ACER3: variants seen among roughly 807,000 people sequenced by gnomAD.
ACER3 encodes alkCDase 3.
In ACER3, 16 loss-of-function variants were observed where a neutral mutation model predicts 48.9. That is an observed-to-expected ratio of 0.33 (90% CI 0.22 to 0.50). ACER3 has a LOEUF of 0.50. ACER3 is among the 20% of genes least tolerant of loss of function. The pLI is 0.98. For synonymous variants in ACER3, 109 were observed against 107.8 expected, an observed-to-expected ratio of 1.01 and a Z score of -0.07; for missense variants, 227 against 326.0, an observed-to-expected ratio of 0.70 and a Z score of 2.34.
intron 1 of ACER3, among the ~76,000 whole-genome samples, chr11:76,902,486 A>T (rs1446548465): frequency 6.6e-6 from 1 of 152,146 alleles, no homozygotes; most frequent in Non-Finnish European, 1.5e-5. Context: ...GTTTTTTTAC[A>T]ATGGTCTTTA....
At chr11:76,948,710 A>G (rs1947551136) in intron 2 of ACER3, among the ~76,000 whole-genome samples, 1 of 152,150 alleles carries the variant, frequency 6.6e-6, no homozygotes, top group Non-Finnish European at 1.5e-5. Flanking sequence ...ATTATGGTAA[A>G]CCATGATGTG....
At position 77,026,605 on chromosome 11, in the gene ACER3, A is replaced by C. The variant is rs1404727362; in HGVS notation, c.*6278A>C. 1.3e-5 allele frequency: 2 copies of C among 152,318 alleles called. No homozygotes were observed. Among genetic ancestry groups the C allele is most frequent in the East Asian group, 3.9e-4 (2 of 5,194 alleles). 9.4% of individuals were successfully genotyped at this position (152,318 alleles called of 1,614,324 possible). On this transcript the variant is annotated 3_prime_UTR_variant, in exon 11 of 11. Coordinates refer to ENST00000532485, the MANE Select transcript of ACER3 (RefSeq NM_018367.7). ...TACATTGTACTGAATCTTACTAGCAACTAACTATTTTCAGGTAATCTCAGT... is the reference window on the plus strand; with the variant it reads ...TACATTGTACTGAATCTTACTAGCACCTAACTATTTTCAGGTAATCTCAGT...
At position 76,913,667 on chromosome 11, in the gene ACER3, C is replaced by T. The variant is rs1201759807; in HGVS notation, c.104-12890C>T. ...TTCAATGCCATCCGCATCAAGCTAC[C>T]AATGACTTTCTTCACAGAATTGGAA... is the stretch of plus-strand genomic sequence containing the variant. On this transcript the variant is annotated intron_variant, in intron 1 of 10. Transcript: ENST00000532485. Among the ~76,000 whole-genome samples, 15 of 152,282 alleles carry T rather than the reference C, an allele frequency of 9.9e-5. 1 individual carries two copies. The East Asian group carries it at 2.3e-3, about 23-fold the overall frequency.
intron 1 of ACER3, among the ~76,000 whole-genome samples, chr11:76,915,440 C>T (rs1034589472): frequency 4.0e-5 from 6 of 151,802 alleles, no homozygotes; most frequent in African/African-American, 1.5e-4. Context: ...GCGTACCCAC[C>T]CCCCCGAGAT....
At chr11:76,997,555 T>C (rs868361677) in intron 6 of ACER3, among the ~76,000 whole-genome samples, 1 of 152,220 alleles carries the variant, frequency 6.6e-6, no homozygotes, top group Non-Finnish European at 1.5e-5. Flanking sequence ...TTATAGCAGA[T>C]GTAGCCTCTT....
At chr11:76,943,531 C>T (rs1015948211) in intron 2 of ACER3, among the ~76,000 whole-genome samples, 8 of 151,978 alleles carry the variant, frequency 5.3e-5, no homozygotes, top group Middle Eastern at 3.4e-3. Context: ...ATACTTAATA[C>T]GATTTTGATT....
intron 2 of ACER3, among the ~76,000 whole-genome samples, chr11:76,947,320 G>T (rs1051481970): frequency 1.3e-5 from 2 of 152,202 alleles, no homozygotes; most frequent in African/African-American, 2.4e-5. Flanking sequence ...GCCTCATGGG[G>T]AAGCACCAGG....
chr11:76,956,810 A>G (rs1380793799), intron 2 of ACER3, among the ~76,000 whole-genome samples: 1 of 152,020 alleles, frequency 6.6e-6, no homozygotes, highest in Non-Finnish European at 1.5e-5. Context: ...TTTTTGGGAA[A>G]AAAGGCACGA....
chr11:76,940,188 G>T (rs1328824382), intron 2 of ACER3, among the ~76,000 whole-genome samples: 1 of 150,860 alleles, frequency 6.6e-6, no homozygotes, highest in African/African-American at 2.4e-5. Flanking sequence ...TCACTATGTT[G>T]GCCTGGGTTG....
intron 6 of ACER3, 31 bp downstream of exon 6, chr11:76,990,605 T>A (rs1166236521): frequency 7.6e-7 from 1 of 1,321,230 alleles, no homozygotes; most frequent in Admixed American, 1.8e-5. Flanking sequence ...ACACATTAGA[T>A]TGTTTACGAT....
At position 77,025,120 on chromosome 11, in the gene ACER3, G is replaced by A. The variant is rs1217018796; in HGVS notation, c.*4793G>A. On this transcript the variant is annotated 3_prime_UTR_variant, in exon 11 of 11. Coordinates refer to ENST00000532485, the MANE Select transcript of ACER3 (RefSeq NM_018367.7). ...GCTTCTGAAACATCTGGCAATGCCA[G>A]ATCTGTAATCATCACTTTTAAATTG... is the stretch of plus-strand genomic sequence containing the variant. 1.3e-5 allele frequency: 2 copies of A among 152,128 alleles called. No individual in the cohort carries two copies. Among genetic ancestry groups the A allele is most frequent in the African/African-American group, 4.8e-5 (2 of 41,422 alleles). The allele number at this position is 152,128 out of a possible 1,614,324, so 9.4% of individuals were successfully genotyped here.
At chr11:76,973,125 A>G (rs1327463715) in intron 3 of ACER3, among the ~76,000 whole-genome samples, 3 of 152,224 alleles carry the variant, frequency 2.0e-5, no homozygotes, top group Non-Finnish European at 4.4e-5. Flanking sequence ...TGCCCAGGTG[A>G]CAGCCATGAT....
chr11:76,929,168 G>T (rs1393308224), intron 2 of ACER3, among the ~76,000 whole-genome samples: 7 of 152,014 alleles, frequency 4.6e-5, no homozygotes, highest in Non-Finnish European at 1.0e-4. Context: ...CCTTGAAGAC[G>T]TCCTTCACAT....
chr11:76,964,179 C>A (rs1382721376), intron 3 of ACER3, among the ~76,000 whole-genome samples: 2 of 151,422 alleles, frequency 1.3e-5, no homozygotes, highest in Non-Finnish European at 2.9e-5. Flanking sequence ...CCGCACCTGG[C>A]TCGGAGGGTC....
At chr11:77,011,784 T>A (rs547537208) in intron 7 of ACER3, among the ~76,000 whole-genome samples, 12 of 152,264 alleles carry the variant, frequency 7.9e-5, no homozygotes, top group Admixed American at 7.8e-4. Context: ...GGCAGACCAG[T>A]CTTTAGAAAA....
At chr11:76,984,306 G>T (rs1233198422) in intron 4 of ACER3, among the ~76,000 whole-genome samples, 4 of 152,172 alleles carry the variant, frequency 2.6e-5, no homozygotes, top group Non-Finnish European at 5.9e-5. Context: ...AAGACCTTTG[G>T]TTTCTTAACA....
intron 6 of ACER3, among the ~76,000 whole-genome samples, chr11:76,997,427 T>G (rs185619621): frequency 3.7e-3 from 558 of 152,304 alleles, no homozygotes; most frequent in Non-Finnish European, 6.4e-3. Flanking sequence ...ATGCCTTTCT[T>G]GTTCACCATT....
At chr11:76,984,902 A>T (rs1179287848) in intron 4 of ACER3, among the ~76,000 whole-genome samples, 2 of 152,206 alleles carry the variant, frequency 1.3e-5, no homozygotes, top group African/African-American at 2.4e-5. Context: ...TGAGGAAATT[A>T]TGTGGAACCC....
chr11:77,005,991 AT>A (rs1228374444), intron 7 of ACER3, among the ~76,000 whole-genome samples: 11,966 of 99,382 alleles, frequency 0.12, 1,034 homozygotes, highest in South Asian at 0.21. Flanking sequence ...ATATATATAT[AT>A]TTTTTTTTTT....
Sources: gnomAD v4.1 joint callset for allele counts (sites outside exome capture counted in the v4.1 genomes callset) on GRCh38, gnomAD v4.1.1 for gene constraint, MANE v1.5 for transcripts, NCBI Gene and HGNC (gene_info 2026-07-23, HGNC 2026-07-21) for gene names.